Variants in PCDHGA6 observed in about 807,000 individuals in gnomAD.
PCDHGA6 encodes protocadherin gamma-A6.
PCDHGA6 carries 41 observed loss-of-function variants against 60.6 expected under a neutral mutation model. That is an observed-to-expected ratio of 0.68 (90% CI 0.53 to 0.88). The LOEUF (loss-of-function observed/expected upper bound fraction) is 0.88, where lower values mean the gene tolerates loss of function less well. PCDHGA6 is among the 40% of genes least tolerant of loss of function. The pLI is 0.00. For synonymous variants in PCDHGA6, 594 were observed against 524.4 expected, an observed-to-expected ratio of 1.13 and a Z score of -1.81; for missense variants, 1,312 against 1,203.0, an observed-to-expected ratio of 1.09 and a Z score of -1.34.
intron 1 of PCDHGA6, chr5:141,417,647 C>T: frequency 2.5e-6 from 2 of 812,384 alleles, no homozygotes; most frequent in Non-Finnish European, 3.7e-6. Context: ...ATCCCTCAGC[C>T]TCTAGCCTGG....
At position 141,424,135 on chromosome 5, in the gene PCDHGA6, G is replaced by A. The variant is rs572224199; in HGVS notation, c.2424+47628G>A. 1.1e-4 allele frequency: 47 copies of A among 431,606 alleles called. No individual in the cohort carries two copies. The South Asian group carries it at 4.6e-3, about 43-fold the overall frequency. The allele number at this position is 431,606 out of a possible 1,614,324, so 26.7% of individuals were successfully genotyped here. On this transcript the variant is annotated intron_variant, in intron 1 of 3. Coordinates refer to ENST00000517434, the MANE Select transcript of PCDHGA6 (RefSeq NM_018919.3). The stretch of plus-strand genomic sequence containing the variant: ...AAATTTTGATCCTGTTGATTTAATA[G>A]CATGCTCCCTCTAGCTCTCCTTCTC...
In PCDHGA6 at chr5:141,490,274, A is replaced by G. The variant is rs1285515971; in HGVS notation, c.2425-4533A>G. The G allele has an allele frequency of 6.2e-7, 1 of 1,614,228 alleles. No individual in the cohort carries two copies. Among genetic ancestry groups the G allele is most frequent in the Non-Finnish European group, 8.5e-7 (1 of 1,180,038 alleles). On this transcript the variant is annotated intron_variant, in intron 1 of 3. Transcript: ENST00000517434. This position sits in a 1 kb window ranked among gnomAD's most constrained non-coding sequence, Gnocchi z 5.4. ...CAAGTGGATGTGGGGGATGTCAATGACAATGCCCCAGAGGTGCTATTGGCC... is the reference window on the plus strand; with the variant it reads ...CAAGTGGATGTGGGGGATGTCAATGGCAATGCCCCAGAGGTGCTATTGGCC...
chr5:141,467,693 G>A lies in PCDHGA6; in HGVS notation c.2425-27114G>A, dbSNP rs543886467. Among the ~76,000 whole-genome samples the A allele has an allele frequency of 2.0e-4, 30 of 152,110 alleles. No individual in the cohort carries two copies. In the South Asian group the frequency reaches 5.6e-3, roughly 28 times the overall value. On this transcript the variant is annotated intron_variant, in intron 1 of 3. Transcript: ENST00000517434. ...TTTTATTTTTTTTAGACAGGGTCTGGCTCTGTTGCCCAGGCTGGAGTGTAG... is the reference window on the plus strand; with the variant it reads ...TTTTATTTTTTTTAGACAGGGTCTGACTCTGTTGCCCAGGCTGGAGTGTAG...
chr5:141,404,171 G>A (rs532466154), intron 1 of PCDHGA6: 1 of 1,612,734 alleles, frequency 6.2e-7, no homozygotes, highest in South Asian at 1.1e-5. Flanking sequence ...ATTGTTGACG[G>A]CCCAAATTCT....
chr5:141,417,518 G>C (rs193231266), intron 1 of PCDHGA6: 8 of 257,454 alleles, frequency 3.1e-5, no homozygotes, highest in Non-Finnish European at 5.1e-5. Context: ...TATTTTGGCT[G>C]TCAACTCGTA....
chr5:141,418,264 A>C, intron 1 of PCDHGA6: 1 of 1,614,082 alleles, frequency 6.2e-7, no homozygotes, highest in Non-Finnish European at 8.5e-7. Flanking sequence ...AATTCCGGAA[A>C]GATGAAATAA....
intron 1 of PCDHGA6, chr5:141,403,542 A>T (rs561106024): frequency 1.2e-6 from 2 of 1,613,990 alleles, no homozygotes; most frequent in East Asian, 4.5e-5. Context: ...CTGGTGCTGG[A>T]GCGCGCCCTG....
chr5:141,391,560 T>C (rs981712066), intron 1 of PCDHGA6: 2 of 152,242 alleles, frequency 1.3e-5, no homozygotes, highest in African/African-American at 4.8e-5. Context: ...GTTTTCCATA[T>C]GCATAAGAAA....
intron 1 of PCDHGA6, chr5:141,419,785 G>A (rs1268841728): frequency 1.2e-6 from 2 of 1,613,934 alleles, no homozygotes; most frequent in Non-Finnish European, 1.7e-6. Flanking sequence ...GCCAGCGCCT[G>A]CTAGTCGCTG....
At chr5:141,399,785 A>G (rs748714301) in intron 1 of PCDHGA6, 6 of 1,613,294 alleles carry the variant, frequency 3.7e-6, no homozygotes, top group South Asian at 1.1e-5. Context: ...GACCGAAACG[A>G]CAACGCACCG....
At chr5:141,420,403 G>T in intron 1 of PCDHGA6, 3 of 1,246,014 alleles carry the variant, frequency 2.4e-6, no homozygotes, top group East Asian at 2.8e-5. Context: ...TCAAATTTAT[G>T]GTTATCATTA....
At chr5:141,393,357 G>C in intron 1 of PCDHGA6, 5 of 1,613,924 alleles carry the variant, frequency 3.1e-6, no homozygotes, top group Admixed American at 1.7e-5. Flanking sequence ...CTCCCTGGAC[G>C]TGCAGACTGG....
Position 141,374,436 on chromosome 5 carries a change from C to T in PCDHGA6, c.353C>T (p.Pro118Leu). The change falls in exon 1 of 4, where the codon CCC (proline) becomes CTC (leucine). Residue 118 changes from proline (P) to leucine (L), a missense_variant. Transcript: ENST00000517434. Reference sequence around the variant, plus strand: ...GTCGAGGATAAACTGAATCTTTATCCCGTGGAAGTGGAAATAGTGGACATT... The same window carrying T: ...GTCGAGGATAAACTGAATCTTTATCTCGTGGAAGTGGAAATAGTGGACATT... ...ILVEDKLNLY[P>L]VEVEIVDIND... 1.9e-6 allele frequency: 3 copies of T among 1,613,872 alleles called. No homozygotes were observed. Among genetic ancestry groups the T allele is most frequent in the Non-Finnish European group, 2.5e-6 (3 of 1,179,820 alleles).
At chr5:141,417,027 GGT>G (rs1491367168) in intron 1 of PCDHGA6, 2 of 134,514 alleles carry the variant, frequency 1.5e-5, no homozygotes, top group Non-Finnish European at 3.1e-5. Flanking sequence ...GAAAAATACA[GGT>G]TTTTTTTTTA....
At chr5:141,452,538 G>T (rs1330051133) in intron 1 of PCDHGA6, among the ~76,000 whole-genome samples, 1 of 152,148 alleles carries the variant, frequency 6.6e-6, no homozygotes, top group Non-Finnish European at 1.5e-5. Flanking sequence ...AGTTCATATT[G>T]ATACCTCCAG....
In PCDHGA6 at chr5:141,475,977, A is replaced by G. The variant is rs369460464; in HGVS notation, c.2425-18830A>G. The stretch of plus-strand genomic sequence containing the variant: ...CCCCGGGATGAGGCAGAGACTGAAC[A>G]GCCGGCGAGCAAATCAACGGCATCC... On this transcript the variant is annotated intron_variant, in intron 1 of 3. Transcript: ENST00000517434. The G allele has an allele frequency of 2.2e-5, 21 of 972,826 alleles. No individual in the cohort carries two copies. The South Asian group carries it at 2.8e-4, about 13-fold the overall frequency. 60.3% of individuals were successfully genotyped at this position (972,826 alleles called of 1,614,324 possible).
intron 1 of PCDHGA6, chr5:141,410,134 C>T: frequency 6.2e-7 from 1 of 1,612,766 alleles, no homozygotes; most frequent in East Asian, 2.2e-5. Flanking sequence ...GCCTGCTGGT[C>T]GCTGTGCGTG....
At chr5:141,421,720 G>A (rs372813759) in intron 1 of PCDHGA6, 4 of 1,613,788 alleles carry the variant, frequency 2.5e-6, no homozygotes, top group Non-Finnish European at 3.4e-6. Context: ...AGATGTGGGC[G>A]TGAACTCCCT....
rs375516156 is a variant in PCDHGA6 at position 141,510,311 on chromosome 5, C to G, written c.2573-636C>G. Among the ~76,000 whole-genome samples, 70 of 151,056 alleles carry G rather than the reference C, an allele frequency of 4.6e-4. No homozygotes were observed. The South Asian group carries it at 0.014, about 31-fold the overall frequency. On this transcript the variant is annotated intron_variant, in intron 3 of 3. Transcript: ENST00000517434. The stretch of plus-strand genomic sequence containing the variant: ...AAAAAATGCTGTTTTGAAATGGAGG[C>G]TTGGAAGAGCACTCTTCACCCCCAC...
Sources: allele counts gnomAD v4.1 joint callset (sites outside exome capture counted in the v4.1 genomes callset), GRCh38; gene constraint gnomAD v4.1.1; non-coding constraint Gnocchi (gnomAD v3.1); transcripts MANE v1.5; gene names NCBI Gene and HGNC (gene_info 2026-07-23, HGNC 2026-07-21).